Variants in MYL5 observed in about 807,000 individuals in gnomAD.
MYL5 encodes myosin light chain 5, also known as myosin regulatory light chain 5.
Under a neutral mutation model 20.8 loss-of-function variants are expected in MYL5, and 28 were observed. That is an observed-to-expected ratio of 1.35 (90% CI 1.00 to 1.84). The LOEUF (loss-of-function observed/expected upper bound fraction) is 1.84, where lower values mean the gene tolerates loss of function less well. Among genes scored for constraint, MYL5 ranks in the 40% most tolerant of loss-of-function variants. The pLI is 0.00. For missense variants in MYL5, 274 were observed against 227.3 expected, an observed-to-expected ratio of 1.21 and a Z score of -1.32; for synonymous variants, 118 against 87.4, an observed-to-expected ratio of 1.35 and a Z score of -1.95.
At chr4:677,897 G>A, upstream of MYL5, 1 of 1,514,700 alleles carries the variant, frequency 6.6e-7, no homozygotes, top group East Asian at 2.3e-5. Context: ...AGTCCCCTGG[G>A]GTAGCCCCAA....
intron 6 of MYL5, among the ~76,000 whole-genome samples, chr4:681,590 AGCC>A (rs1033782133): frequency 8.1e-6 from 1 of 122,918 alleles, no homozygotes; most frequent in African/African-American, 3.2e-5. Flanking sequence ...CTGTGGCTGC[AGCC>A]GCCGCCGCCC....
upstream of MYL5, among the ~76,000 whole-genome samples, chr4:677,414 C>T (rs1166687427): frequency 2.0e-5 from 3 of 152,226 alleles, no homozygotes; most frequent in Non-Finnish European, 4.4e-5. Flanking sequence ...ATCTGAGCAA[C>T]GTGGCCATCT....
chr4:677,742 A>T (rs1261239137), upstream of MYL5, among the ~76,000 whole-genome samples: 1 of 152,172 alleles, frequency 6.6e-6, no homozygotes, highest in Non-Finnish European at 1.5e-5. Context: ...CCTTGGGAGA[A>T]CAAAGCCTCC....
upstream of MYL5, among the ~76,000 whole-genome samples, chr4:677,754 C>T (rs373085220): frequency 2.6e-5 from 4 of 152,246 alleles, no homozygotes; most frequent in East Asian, 5.8e-4. Context: ...AAAGCCTCCC[C>T]GGGGTTCGGG....
chr4:679,714 T>TC (rs1739249572), intron 3 of MYL5, among the ~76,000 whole-genome samples, 200 bp from the exon 6 acceptor site: 1 of 152,154 alleles, frequency 6.6e-6, no homozygotes, highest in African/African-American at 2.4e-5. Context: ...CAGCACTTAG[T>TC]CCTGGGGCTC....
intron 5 of MYL5, 38 bp downstream of exon 7, chr4:680,625 GGAACCCC>G: frequency 6.3e-7 from 1 of 1,598,270 alleles, no homozygotes; most frequent in South Asian, 1.1e-5. Flanking sequence ...CGGCTTCCGG[GGAACCCC>G]AGTGATCTCA....
At chr4:680,100 C>T in intron 4 of MYL5, 82 bp downstream of exon 6, 1 of 1,312,296 alleles carries the variant, frequency 7.6e-7, no homozygotes, top group South Asian at 1.4e-5. Context: ...AAAAATCTCT[C>T]TTTTCCAATC....
At chr4:678,213 G>C (rs1051665799) in intron 1 of MYL5, 184 bp downstream of exon 3, 6 of 1,506,460 alleles carry the variant, frequency 4.0e-6, no homozygotes, top group Non-Finnish European at 5.3e-6. Flanking sequence ...TGACCTTGCG[G>C]GTGTGGGCTG....
chr4:674,865 C>T (rs1738726220), upstream of MYL5: 1 of 152,994 alleles, frequency 6.5e-6, no homozygotes, highest in Non-Finnish European at 1.5e-5. Flanking sequence ...TTCCGCGGCC[C>T]GCGGGAGCAT....
intron 2 of MYL5, 59 bp downstream of exon 4, chr4:678,824 C>T (rs1200245830): frequency 6.2e-7 from 1 of 1,607,256 alleles, no homozygotes; most frequent in Non-Finnish European, 8.5e-7. Flanking sequence ...CTGGGAAGAC[C>T]CCATGTGGGC....
intron 6 of MYL5, among the ~76,000 whole-genome samples, chr4:681,433 G>A (rs1310976966): frequency 6.6e-6 from 1 of 151,242 alleles, no homozygotes; most frequent in Non-Finnish European, 1.5e-5. Flanking sequence ...GCGGTCCGGA[G>A]CCGCCCCCCA....
rs1019174379 is a variant in MYL5 at position 681,114 on chromosome 4, C to T, written c.394C>T (p.Gln132Ter). The T allele has an allele frequency of 2.5e-6, 4 of 1,606,932 alleles. No homozygotes were observed. The South Asian group carries it at 4.5e-5, about 18-fold the overall frequency. Residue 132 changes from glutamine to a stop codon, truncating the protein, a stop_gained, in exon 6 of 7, where the codon CAG (glutamine) becomes TAG (stop). Transcript: ENST00000400159. LOFTEE classifies it low-confidence loss of function (END_TRUNC). The stretch of plus-strand genomic sequence containing the variant: ...CAGCATCAAGCGTCTGCTGATGTCC[C>T]AGGCTGACAAGATGACGGCGGAAGA...
intron 1 of MYL5, chr4:678,310 T>A (rs1455107785): frequency 1.1e-5 from 16 of 1,429,036 alleles, no homozygotes; most frequent in Non-Finnish European, 1.5e-5. Flanking sequence ...TTTCACAAAA[T>A]CCCGGTACCC....
intron 2 of MYL5, 87 bp downstream of exon 4, chr4:678,852 G>A (rs1560153113): frequency 1.6e-5 from 26 of 1,607,242 alleles, no homozygotes; most frequent in Admixed American, 6.8e-5. Context: ...AGGGCCAGCA[G>A]GAGTGGAAGC....
chr4:678,672 C>G, exon 2 of MYL5: 2 of 1,609,398 alleles, frequency 1.2e-6, no homozygotes, highest in East Asian at 2.2e-5. Context: ...GCAGGAAGAC[C>G]AAGAAGAAGG....
At chr4:681,051 C>G (rs1369349025) in intron 5 of MYL5, 41 bp from the exon 8 acceptor site, 10 of 1,565,874 alleles carry the variant, frequency 6.4e-6, no homozygotes, top group Non-Finnish European at 6.9e-6. Flanking sequence ...GGCTCCTGCA[C>G]CCCCGCATCA....
At chr4:677,625 G>A (rs779502942), upstream of MYL5, among the ~76,000 whole-genome samples, 11 of 152,212 alleles carry the variant, frequency 7.2e-5, no homozygotes, top group Non-Finnish European at 1.5e-4. Context: ...CCACAGCAGC[G>A]TTGTGCAAAT....
At chr4:679,309 T>C in intron 3 of MYL5, 2 of 378,144 alleles carry the variant, frequency 5.3e-6, no homozygotes, top group Non-Finnish European at 8.7e-6. Flanking sequence ...AGGGGCTGAC[T>C]CTCTGGTAGG....
intron 3 of MYL5, among the ~76,000 whole-genome samples, chr4:679,646 G>C (rs1739242628): frequency 6.6e-6 from 1 of 152,196 alleles, no homozygotes; most frequent in Non-Finnish European, 1.5e-5. Flanking sequence ...CTTATGCCCA[G>C]AATTAAGAAC....
Sources: gnomAD v4.1 joint callset for allele counts (sites outside exome capture counted in the v4.1 genomes callset) on GRCh38, gnomAD v4.1.1 for gene constraint, MANE v1.5 for transcripts, NCBI Gene and HGNC (gene_info 2026-07-23, HGNC 2026-07-21) for gene names.